Variants in PRR14L observed in about 807,000 individuals in gnomAD.
PRR14L encodes proline rich 14 like.
PRR14L carries 80 observed loss-of-function variants against 155.0 expected under a neutral mutation model. The observed-to-expected ratio is 0.52, with a 90% confidence interval of 0.43 to 0.62. The LOEUF (loss-of-function observed/expected upper bound fraction) is 0.62. PRR14L is among the 20% of genes least tolerant of loss of function. The pLI, the probability that PRR14L is intolerant of heterozygous loss-of-function variation, is 0.00. For missense variants in PRR14L, 2,469 were observed against 2,548.0 expected (o/e 0.97, Z 0.67); for synonymous variants, 883 against 916.0 (o/e 0.96, Z 0.65).
chr22:31,722,367 T>C (rs1032413168), intron 3 of PRR14L, among the ~76,000 whole-genome samples: 2 of 148,504 alleles, frequency 1.3e-5, no homozygotes, highest in African/African-American at 2.5e-5. Flanking sequence ...CAGGCGGAGG[T>C]TGCAGTAAGC....
intron 3 of PRR14L, 93 bp from the exon 4 acceptor site, chr22:31,717,384 C>T: frequency 1.0e-6 from 1 of 968,240 alleles, no homozygotes; most frequent in Non-Finnish European, 1.5e-6. Context: ...CTACCAAGGG[C>T]AACAGAAGAC....
In PRR14L at chr22:31,701,766, T is replaced by C. The variant is rs2074564416; in HGVS notation, c.6001-4A>G. Reference sequence around the variant, plus strand: ...TTGGCCTCTTCTCTGGCTCAGCCTATTTTTAAGGATTAAGAAGAAAGATGG... The same window carrying C: ...TTGGCCTCTTCTCTGGCTCAGCCTACTTTTAAGGATTAAGAAGAAAGATGG... On this transcript the variant is annotated splice_polypyrimidine_tract_variant and splice_region_variant and intron_variant, in intron 6 of 8. Coordinates refer to ENST00000327423, the MANE Select transcript of PRR14L (RefSeq NM_173566.3). 2 of 1,602,982 alleles carry C rather than the reference T, an allele frequency of 1.2e-6. No individual in the cohort carries two copies. The highest frequency in any genetic ancestry group is 1.7e-6 in the Non-Finnish European group (2 of 1,172,098).
chr22:31,685,502 T>C lies in PRR14L; in HGVS notation c.*25A>G. 6.7e-7 allele frequency: 1 copy of C among 1,491,682 alleles called. No homozygotes were observed. The highest frequency in any genetic ancestry group is 1.4e-5 in the African/African-American group (1 of 69,942). The allele number at this position is 1,491,682 out of a possible 1,614,324, so 92.4% of individuals were successfully genotyped here. On this transcript the variant is annotated 3_prime_UTR_variant, in exon 9 of 9. Coordinates refer to ENST00000327423, the MANE Select transcript of PRR14L (RefSeq NM_173566.3). The stretch of plus-strand genomic sequence containing the variant: ...AAACAAAACAAAAAAACCCTAAAAT[T>C]GAGACCCTCAAACTGAATCGCTTCT...
Position 31,717,095 on chromosome 22 carries a change from T to C in PRR14L, c.744A>G (p.Thr248=). 7 of 1,552,182 alleles carry C rather than the reference T, an allele frequency of 4.5e-6. No homozygotes were observed. The highest frequency in any genetic ancestry group is 6.1e-6 in the Non-Finnish European group (7 of 1,147,072). The change falls in exon 4 of 9, where the codon ACA becomes ACG. Residue 248 remains threonine (T), a synonymous_variant. Transcript: ENST00000327423. ...MTSDEVSETS[T]LVTPEPLTFV... ...AGGTTAAAGGTTCTGGGGTAACTAA[T>C]GTGCTGGTTTCTGAAACCTCATCAC... is the stretch of plus-strand genomic sequence containing the variant.
At chr22:31,725,460 T>C in intron 3 of PRR14L, 78 bp downstream of exon 3, 1 of 955,400 alleles carries the variant, frequency 1.0e-6, no homozygotes, top group South Asian at 1.4e-5. Context: ...CCTTATATTC[T>C]CAATGCAAAA....
intron 7 of PRR14L, among the ~76,000 whole-genome samples, chr22:31,694,192 G>A (rs1218480283): frequency 1.3e-5 from 2 of 152,110 alleles, no homozygotes; most frequent in Middle Eastern, 3.2e-3. Flanking sequence ...GAGGAGAATC[G>A]CTTGAACTTG....
At chr22:31,708,236 G>A (rs2074601876) in intron 4 of PRR14L, among the ~76,000 whole-genome samples, 1 of 152,176 alleles carries the variant, frequency 6.6e-6, no homozygotes, top group African/African-American at 2.4e-5. Context: ...CAATGTTCAT[G>A]TTCTGGGTTT....
intron 1 of PRR14L, among the ~76,000 whole-genome samples, chr22:31,747,822 A>C (rs1222472955): frequency 4.6e-5 from 7 of 151,650 alleles, no homozygotes; most frequent in African/African-American, 9.7e-5. Flanking sequence ...AAAAAAAAAA[A>C]ACAAAAACAG....
chr22:31,736,118 C>G lies in PRR14L; in HGVS notation c.474+2269G>C, dbSNP rs559563483. Among the ~76,000 whole-genome samples, 4 of 149,788 alleles carry G rather than the reference C, an allele frequency of 2.7e-5. No homozygotes were observed. In the East Asian group the frequency reaches 7.8e-4, roughly 29 times the overall value. On this transcript the variant is annotated intron_variant, in intron 2 of 8. Transcript: ENST00000327423. ...CCTGTAGTCCCAGCTACTCAGGAGG[C>G]TGAGGCAGGAGAATGGCGTGAACCT... is the stretch of plus-strand genomic sequence containing the variant.
At chr22:31,730,763 G>C (rs2084760054) in intron 2 of PRR14L, among the ~76,000 whole-genome samples, 1 of 152,112 alleles carries the variant, frequency 6.6e-6, no homozygotes, top group Non-Finnish European at 1.5e-5. Flanking sequence ...TATTGTGATG[G>C]TTGCCAAACA....
At chr22:31,719,422 GA>G (rs559199234) in intron 3 of PRR14L, among the ~76,000 whole-genome samples, 2,480 of 130,696 alleles carry the variant, frequency 0.019, 63 homozygotes, top group African/African-American at 0.061. Flanking sequence ...TCAAAAAAAA[GA>G]AAAAAAAAAA....
In PRR14L at chr22:31,715,072, C is replaced by T; in HGVS notation, c.2767G>A (p.Asp923Asn). ...TGGTTTAGTTCTTGTATAGCATGAT[C>T]AGAGATGTTATACTTACAAAATACA... ...ETVFCKYNIS[D>N]HAIQELNQTV... Residue 923 changes from aspartate to asparagine, a missense_variant, in exon 4 of 9, where the codon GAT (aspartate) becomes AAT (asparagine). This residue lies in a region of PRR14L where 2,363 missense variants were observed against 2,371.6 expected (regional missense o/e 1.00). Coordinates refer to ENST00000327423, the MANE Select transcript of PRR14L (RefSeq NM_173566.3). The T allele has an allele frequency of 6.4e-7, 1 of 1,551,304 alleles. No individual in the cohort carries two copies. Among genetic ancestry groups the T allele is most frequent in the Non-Finnish European group, 8.7e-7 (1 of 1,146,544 alleles).
chr22:31,690,626 T>C (rs2074506228), intron 7 of PRR14L, among the ~76,000 whole-genome samples: 1 of 151,846 alleles, frequency 6.6e-6, no homozygotes, highest in African/African-American at 2.4e-5. Context: ...CTGGGACCTA[T>C]AGTCCCTGGC....
rs568467009 is a variant in PRR14L, at chr22:31,739,648, C to T, written c.-51-737G>A. Among the ~76,000 whole-genome samples, 3 of 152,274 alleles carry T rather than the reference C, an allele frequency of 2.0e-5. No individual in the cohort carries two copies. The South Asian group carries it at 6.2e-4, about 32-fold the overall frequency. ...TCTTGTTTTAGATCCTAACACCACACCTGAGGAGGTTAAATATGACCTGCC... is the reference window on the plus strand; with the variant it reads ...TCTTGTTTTAGATCCTAACACCACATCTGAGGAGGTTAAATATGACCTGCC... On this transcript the variant is annotated intron_variant, in intron 1 of 8. Coordinates refer to ENST00000327423, the MANE Select transcript of PRR14L (RefSeq NM_173566.3).
At chr22:31,698,436 T>C (rs1708014465) in intron 7 of PRR14L, among the ~76,000 whole-genome samples, 1 of 151,846 alleles carries the variant, frequency 6.6e-6, no homozygotes, top group Admixed American at 6.6e-5. Context: ...GAAAGCAGGC[T>C]GGGCTTGGTG....
Position 31,701,702 on chromosome 22 carries a change from T to C in PRR14L, c.6061A>G (p.Arg2021Gly). ...SQIRIRKTIP[R>G]PDPNLTPMGL... The stretch of plus-strand genomic sequence containing the variant: ...ATGGGGGTAAGATTAGGATCTGGCC[T>C]AGGAATGGTTTTCCGGATGCGAATC... The change falls in exon 7 of 9, where the codon AGG (arginine) becomes GGG (glycine). Residue 2021 changes from arginine to glycine, a missense_variant. By Grantham distance (125) the Arg-to-Gly change is moderately radical (BLOSUM62 -2). Transcript: ENST00000327423. The C allele has an allele frequency of 6.2e-7, 1 of 1,614,176 alleles. No individual in the cohort carries two copies. The highest frequency in any genetic ancestry group is 8.5e-7 in the Non-Finnish European group (1 of 1,179,980).
chr22:31,684,185 C>T lies in PRR14L; in HGVS notation c.*1342G>A, dbSNP rs903843920. On this transcript the variant is annotated 3_prime_UTR_variant, in exon 9 of 9. Coordinates refer to ENST00000327423, the MANE Select transcript of PRR14L (RefSeq NM_173566.3). Reference sequence around the variant, plus strand: ...GCTGCTGACCCACAGCATCCCTCTGCCCACAGACTCCTGCAGGCACAAACC... The same window carrying T: ...GCTGCTGACCCACAGCATCCCTCTGTCCACAGACTCCTGCAGGCACAAACC... The T allele has an allele frequency of 2.0e-5, 3 of 152,502 alleles. No individual in the cohort carries two copies. The highest frequency in any genetic ancestry group is 4.4e-5 in the Non-Finnish European group (3 of 68,132). 9.4% of individuals were successfully genotyped at this position (152,502 alleles called of 1,614,324 possible).
chr22:31,694,220 T>C (rs1243836007), intron 7 of PRR14L, among the ~76,000 whole-genome samples: 3 of 152,162 alleles, frequency 2.0e-5, no homozygotes, highest in Non-Finnish European at 4.4e-5. Flanking sequence ...GAGGTTGCGA[T>C]GAGCCAAGAT....
chr22:31,727,719 C>A (rs183250245), intron 2 of PRR14L, among the ~76,000 whole-genome samples: 1 of 151,976 alleles, frequency 6.6e-6, no homozygotes, highest in Non-Finnish European at 1.5e-5. Flanking sequence ...CAGTGGCTCA[C>A]GCCTTTAATC....
Sources: gnomAD v4.1 joint callset for allele counts (sites outside exome capture counted in the v4.1 genomes callset) on GRCh38, gnomAD v4.1.1 for gene constraint, gnomAD v4.1.1 regional missense constraint, MANE v1.5 for transcripts, NCBI Gene and HGNC (gene_info 2026-07-23, HGNC 2026-07-21) for gene names.